The following SORCS1 variants were observed in gnomAD, a reference collection of about 807,000 sequenced individuals.
SORCS1 encodes VPS10 domain-containing receptor SorCS1.
Under a neutral mutation model 146.1 loss-of-function variants are expected in SORCS1, and 60 were observed. The observed-to-expected ratio is 0.41, with a 90% CI of 0.33 to 0.51. The LOEUF (loss-of-function observed/expected upper bound fraction) is 0.51, where lower values mean the gene tolerates loss of function less well. Ranked by LOEUF, SORCS1 falls within the 20% of genes least tolerant of loss-of-function variation. The probability of loss-of-function intolerance (pLI) is 0.21; values close to 1 mark genes in which losing one functional copy is unlikely to be tolerated. For synonymous variants in SORCS1, 637 were observed against 584.0 expected (o/e 1.09, Z -1.31); for missense variants, 1,352 against 1,487.6 (o/e 0.91, Z 1.50).
At chr10:106,877,991 A>C (rs1024520524) in intron 2 of SORCS1, among the ~76,000 whole-genome samples, 4 of 152,060 alleles carry the variant, frequency 2.6e-5, no homozygotes, top group African/African-American at 4.8e-5. Context: ...ACCCGATACT[A>C]TCTCTCTAAC....
At chr10:106,995,139 C>T (rs1956937479) in intron 1 of SORCS1, among the ~76,000 whole-genome samples, 1 of 151,782 alleles carries the variant, frequency 6.6e-6, no homozygotes, top group Non-Finnish European at 1.5e-5. Context: ...GGTGAAACCC[C>T]GCCTCTACTA....
intron 18 of SORCS1, among the ~76,000 whole-genome samples, chr10:106,633,453 A>G (rs1178115641): frequency 6.6e-6 from 1 of 152,132 alleles, no homozygotes. Context: ...ACATTAACCA[A>G]TCTCTCCCTG....
chr10:106,653,994 C>A (rs1009320958), intron 17 of SORCS1, among the ~76,000 whole-genome samples: 1 of 152,184 alleles, frequency 6.6e-6, no homozygotes, highest in Non-Finnish European at 1.5e-5. Flanking sequence ...CTTTCTCCCT[C>A]ATAAGCCCAT....
chr10:107,154,770 C>T (rs1306367610), intron 1 of SORCS1, among the ~76,000 whole-genome samples: 2 of 152,150 alleles, frequency 1.3e-5, no homozygotes, highest in African/African-American at 4.8e-5. Context: ...ATCAATGAAA[C>T]TGTAATAACA....
chr10:106,711,397 A>G (rs1269840587), intron 6 of SORCS1, among the ~76,000 whole-genome samples: 1 of 152,208 alleles, frequency 6.6e-6, no homozygotes, highest in Non-Finnish European at 1.5e-5. Context: ...GATAAGCTAG[A>G]TATAAGGATT....
intron 2 of SORCS1, among the ~76,000 whole-genome samples, chr10:106,851,790 A>C (rs1031819886): frequency 6.6e-6 from 1 of 152,238 alleles, no homozygotes; most frequent in African/African-American, 2.4e-5. Flanking sequence ...TCAAGTTGAG[A>C]AGAACTGACA....
At chr10:106,703,578 T>C (rs1239960637) in intron 8 of SORCS1, among the ~76,000 whole-genome samples, 2 of 152,198 alleles carry the variant, frequency 1.3e-5, no homozygotes, top group Non-Finnish European at 2.9e-5. Context: ...TTACTATTAG[T>C]AAATATTTTT....
At chr10:106,907,294 T>A (rs1164561388) in intron 2 of SORCS1, among the ~76,000 whole-genome samples, 1 of 152,218 alleles carries the variant, frequency 6.6e-6, no homozygotes, top group Middle Eastern at 3.2e-3. Flanking sequence ...ACATACCCAT[T>A]AAATATTGTG....
intron 2 of SORCS1, among the ~76,000 whole-genome samples, chr10:106,879,799 C>A (rs1950742506): frequency 6.6e-6 from 1 of 152,256 alleles, no homozygotes; most frequent in East Asian, 1.9e-4. Flanking sequence ...AGCCTTAGGA[C>A]CTGGATGTGC....
At chr10:107,119,105 G>A (rs965502118) in intron 1 of SORCS1, among the ~76,000 whole-genome samples, 2 of 152,164 alleles carry the variant, frequency 1.3e-5, no homozygotes, top group Non-Finnish European at 2.9e-5. Flanking sequence ...AAATGGAAGT[G>A]GTGGACAAGC....
chr10:106,692,091 G>A (rs896602736), intron 9 of SORCS1, among the ~76,000 whole-genome samples: 12 of 152,108 alleles, frequency 7.9e-5, no homozygotes. Context: ...ACCTAAGCTG[G>A]AGAGCAGTGG....
chr10:106,899,488 G>C (rs1951615634), intron 2 of SORCS1, among the ~76,000 whole-genome samples: 1 of 151,642 alleles, frequency 6.6e-6, no homozygotes, highest in Non-Finnish European at 1.5e-5. Context: ...GAAGTCAGTT[G>C]TCTAGTCTGA....
At chr10:106,985,200 T>TAAATAAATAAA (rs1956413826) in intron 1 of SORCS1, among the ~76,000 whole-genome samples, 1 of 152,102 alleles carries the variant, frequency 6.6e-6, no homozygotes, top group African/African-American at 2.4e-5. Flanking sequence ...AATGAATACA[T>TAAATAAATAAA]AAATAAATAA....
intron 4 of SORCS1, among the ~76,000 whole-genome samples, chr10:106,770,044 G>T (rs1232944370): frequency 1.3e-5 from 2 of 152,190 alleles, no homozygotes; most frequent in Admixed American, 1.3e-4. Context: ...AGTGAGCCAA[G>T]ATGACATCAC....
intron 3 of SORCS1, among the ~76,000 whole-genome samples, chr10:106,794,953 A>G (rs980308411): frequency 4.6e-5 from 7 of 152,208 alleles, no homozygotes; most frequent in Non-Finnish European, 8.8e-5. Flanking sequence ...GGGTCCCCCA[A>G]TTCTGCTCAC....
At chr10:106,860,683 T>C (rs1254595602) in intron 2 of SORCS1, among the ~76,000 whole-genome samples, 11 of 152,186 alleles carry the variant, frequency 7.2e-5, no homozygotes, top group South Asian at 4.1e-4. Context: ...ATATGGTGAA[T>C]TGTCCATTTA....
At chr10:106,831,052 G>A (rs968613270) in intron 2 of SORCS1, among the ~76,000 whole-genome samples, 1 of 152,054 alleles carries the variant, frequency 6.6e-6, no homozygotes, top group Non-Finnish European at 1.5e-5. Context: ...AATTAGCCAA[G>A]CATGGTGGCA....
chr10:106,839,312 C>T (rs1948921003), intron 2 of SORCS1, among the ~76,000 whole-genome samples: 1 of 152,148 alleles, frequency 6.6e-6, no homozygotes, highest in East Asian at 1.9e-4. Context: ...ATAAGAAAGT[C>T]AAACAGGTTT....
At chr10:107,154,596 C>T (rs930340467) in intron 1 of SORCS1, among the ~76,000 whole-genome samples, 6 of 151,922 alleles carry the variant, frequency 3.9e-5, no homozygotes, top group Admixed American at 3.9e-4. Context: ...GTGGAAACAG[C>T]TAGAGTTGCT....
Sources: gnomAD v4.1 joint callset for allele counts (sites outside exome capture counted in the v4.1 genomes callset) on GRCh38, gnomAD v4.1.1 for gene constraint, MANE v1.5 for transcripts, NCBI Gene and HGNC (gene_info 2026-07-23, HGNC 2026-07-21) for gene names.